COG4: variants seen among roughly 807,000 people sequenced by gnomAD.
COG4 encodes the protein conserved oligomeric Golgi complex subunit 4.
In COG4, 65 loss-of-function variants were observed where a neutral mutation model predicts 95.1. The ratio of observed to expected loss-of-function variants is 0.68; its 90% CI spans 0.56 to 0.84. The LOEUF is 0.84. COG4 is among the 40% of genes least tolerant of loss of function. The probability of loss-of-function intolerance (pLI) is 0.00; values close to 1 mark genes in which losing one functional copy is unlikely to be tolerated. For missense variants in COG4, 1,045 were observed against 989.1 expected, an observed-to-expected ratio of 1.06 and a Z score of -0.76; for synonymous variants, 421 against 374.8, an observed-to-expected ratio of 1.12 and a Z score of -1.42.
intron 10 of COG4, 133 bp from the exon 11 acceptor site, chr16:70,497,520 T>C: frequency 1.2e-6 from 1 of 847,678 alleles, no homozygotes; most frequent in Non-Finnish European, 2.0e-6. Context: ...ATGGCGTGCA[T>C]CCTCCTTGTC....
intron 2 of COG4, among the ~76,000 whole-genome samples, chr16:70,518,838 G>C (rs1245749507): frequency 6.6e-6 from 1 of 151,976 alleles, no homozygotes; most frequent in Non-Finnish European, 1.5e-5. Context: ...TTAGCTGGGC[G>C]TGGTGGCACA....
rs919846367 is a variant in COG4, at chr16:70,514,208, A to G, written c.544+127T>C. ...CTGACAAGAGCAAGACTCCGTCTCAAAAAAAAAGAAGAAAAAGAAAAAAGA... is the reference window on the plus strand; with the variant it reads ...CTGACAAGAGCAAGACTCCGTCTCAGAAAAAAAGAAGAAAAAGAAAAAAGA... On this transcript the variant is annotated intron_variant, in intron 4 of 18. Coordinates refer to ENST00000323786, the MANE Select transcript of COG4 (RefSeq NM_015386.3). 9.5e-5 allele frequency: 94 copies of G among 986,046 alleles called. No homozygotes were observed. In the East Asian group the frequency reaches 2.4e-3, roughly 25 times the overall value. 61.1% of individuals were successfully genotyped at this position (986,046 alleles called of 1,614,324 possible). A position where few individuals can be genotyped will look rare whatever the true frequency, so the allele number is the denominator to read the frequency against.
At chr16:70,520,303 T>C (rs2049908227) in intron 1 of COG4, among the ~76,000 whole-genome samples, 1 of 140,130 alleles carries the variant, frequency 7.1e-6, no homozygotes, top group Non-Finnish European at 1.5e-5. Context: ...ATTAGCCGGG[T>C]GTGGTGGCGG....
intron 4 of COG4, among the ~76,000 whole-genome samples, chr16:70,514,065 T>G (rs1378510002): frequency 6.6e-6 from 1 of 151,880 alleles, no homozygotes; most frequent in South Asian, 2.1e-4. Flanking sequence ...AAAACATTAG[T>G]GAGGTGTGGT....
chr16:70,516,700 G>C (rs1477215552), intron 3 of COG4, among the ~76,000 whole-genome samples: 3 of 151,854 alleles, frequency 2.0e-5, no homozygotes, highest in African/African-American at 7.2e-5. Context: ...CTATTGAATG[G>C]TGCTCTTCTA....
chr16:70,482,842 G>C lies in COG4; in HGVS notation c.1828-21C>G, dbSNP rs201306234. 14 of 1,597,714 alleles carry C rather than the reference G, an allele frequency of 8.8e-6. No homozygotes were observed. The Admixed American group carries it at 1.7e-4, about 19-fold the overall frequency. On this transcript the variant is annotated intron_variant, in intron 14 of 18. Coordinates refer to ENST00000323786, the MANE Select transcript of COG4 (RefSeq NM_015386.3). ...CCTTCCTGCACAAGGACAAGGTGGA[G>C]ACATGTGACACAGAAGGCACGACTC...
chr16:70,511,547 T>TATAAA (rs2049705367), intron 5 of COG4, among the ~76,000 whole-genome samples: 1 of 148,192 alleles, frequency 6.7e-6, no homozygotes, highest in South Asian at 2.1e-4. Flanking sequence ...AGACCGTTTC[T>TATAAA]ATAAAAAAAA....
At chr16:70,509,829 C>A in intron 6 of COG4, 87 bp downstream of exon 6, 1 of 957,702 alleles carries the variant, frequency 1.0e-6, no homozygotes, top group South Asian at 1.3e-5. Flanking sequence ...AAATTAAAGT[C>A]ATCAGGCTAG....
chr16:70,523,115 T>C lies in COG4; in HGVS notation c.171+258A>G, dbSNP rs186880327. On this transcript the variant is annotated intron_variant, in intron 1 of 18. Coordinates refer to ENST00000323786, the MANE Select transcript of COG4 (RefSeq NM_015386.3). ...ACTCCCGTGGAGAAACTGGTGATCA[T>C]GGATCAGGGAAATCAACGGGGGTCT... The C allele has an allele frequency of 1.3e-3, 725 of 539,980 alleles. 9 individuals carry two copies. Among genetic ancestry groups the C allele is most frequent in the African/African-American group, 0.012 (632 of 52,780 alleles). The allele number at this position is 539,980 out of a possible 1,614,324, so 33.4% of individuals were successfully genotyped here.
chr16:70,512,730 A>T (rs1218504595), intron 4 of COG4, among the ~76,000 whole-genome samples: 1 of 152,232 alleles, frequency 6.6e-6, no homozygotes, highest in African/African-American at 2.4e-5. Context: ...CTGTAATCCC[A>T]GCACTTTGGA....
At chr16:70,523,027 T>C (rs2049984782) in intron 1 of COG4, 1 of 312,536 alleles carries the variant, frequency 3.2e-6, no homozygotes, top group African/African-American at 2.2e-5. Context: ...ATTAAGCCAA[T>C]GCAAAAGGGC....
intron 8 of COG4, among the ~76,000 whole-genome samples, chr16:70,505,939 G>C (rs1218439139): frequency 3.3e-5 from 5 of 151,618 alleles, no homozygotes; most frequent in Non-Finnish European, 5.9e-5. Flanking sequence ...TGAGATCTGG[G>C]GTTCAAGACC....
chr16:70,497,568 A>G (rs1344180098), intron 10 of COG4, among the ~76,000 whole-genome samples, 181 bp from the exon 11 acceptor site: 1 of 152,180 alleles, frequency 6.6e-6, no homozygotes, highest in Non-Finnish European at 1.5e-5. Flanking sequence ...TAGGTGAACA[A>G]ATTAAATATT....
At chr16:70,523,121 A>G in intron 1 of COG4, 1 of 550,422 alleles carries the variant, frequency 1.8e-6, no homozygotes, top group Non-Finnish European at 3.3e-6. Flanking sequence ...ATCATGGATC[A>G]GGGAAATCAA....
intron 8 of COG4, among the ~76,000 whole-genome samples, chr16:70,506,119 G>A (rs1281501271): frequency 5.3e-5 from 8 of 152,078 alleles, no homozygotes; most frequent in Admixed American, 1.3e-4. Context: ...CATCTCAGCC[G>A]GGTGCGGTGG....
At chr16:70,515,452 G>A (rs959095145) in intron 3 of COG4, among the ~76,000 whole-genome samples, 4 of 152,088 alleles carry the variant, frequency 2.6e-5, no homozygotes, top group African/African-American at 4.8e-5. Context: ...TTCGGAAGCC[G>A]AGGTGGGTGG....
In COG4 at chr16:70,523,427, G is replaced by A; in HGVS notation, c.117C>T (p.Ser39=). 1 of 1,614,084 alleles carries A rather than the reference G, an allele frequency of 6.2e-7. No individual in the cohort carries two copies. The part of the protein sequence containing the change: ...CSEISAELIR[S]LTELQELEAV... ...CCTCCAGCTCCTGCAGCTCTGTCAGGGAGCGAATGAGCTCAGCGGAGATTT... is the reference window on the plus strand; with the variant it reads ...CCTCCAGCTCCTGCAGCTCTGTCAGAGAGCGAATGAGCTCAGCGGAGATTT... The change falls in exon 1 of 19, where the codon TCC becomes TCT. Residue 39 remains serine, a synonymous_variant. Transcript: ENST00000323786.
intron 1 of COG4, chr16:70,523,156 C>T: frequency 1.7e-6 from 1 of 591,632 alleles, no homozygotes; most frequent in South Asian, 2.0e-5. Context: ...GGAGAGGCTG[C>T]AGATCGCCCA....
intron 8 of COG4, among the ~76,000 whole-genome samples, chr16:70,506,792 A>G (rs1362667900): frequency 7.0e-6 from 1 of 142,198 alleles, no homozygotes; most frequent in Non-Finnish European, 1.5e-5. Context: ...CCTGTTTCTA[A>G]TTTAAAAAAA....
Sources: allele counts gnomAD v4.1 joint callset (sites outside exome capture counted in the v4.1 genomes callset), GRCh38; gene constraint gnomAD v4.1.1; transcripts MANE v1.5; gene names NCBI Gene and HGNC (gene_info 2026-07-23, HGNC 2026-07-21).